Variants in ROR1 observed in about 807,000 individuals in gnomAD.
ROR1 encodes ROR family WNT receptor 1.
In ROR1, 19 loss-of-function variants were observed where a neutral mutation model predicts 78.8. That is an observed-to-expected ratio of 0.24 (90% confidence interval 0.17 to 0.35). ROR1 has a LOEUF of 0.35. Ranked by LOEUF, ROR1 falls within the 10% of genes least tolerant of loss-of-function variation. The probability of loss-of-function intolerance (pLI) is 1.00; values close to 1 mark genes in which losing one functional copy is unlikely to be tolerated. For missense variants in ROR1, 917 were observed against 1,177.8 expected (o/e 0.78, Z 3.24); for synonymous variants, 386 against 433.6 (o/e 0.89, Z 1.36).
At chr1:64,056,347 T>C (rs1479189454) in intron 4 of ROR1, among the ~76,000 whole-genome samples, 1 of 127,788 alleles carries the variant, frequency 7.8e-6, no homozygotes, top group African/African-American at 2.6e-5. Context: ...ATTTTCCTTA[T>C]TTAAAAATTA....
intron 4 of ROR1, among the ~76,000 whole-genome samples, chr1:64,125,636 T>C (rs182765802): frequency 1.6e-4 from 25 of 152,258 alleles, no homozygotes; most frequent in African/African-American, 6.0e-4. Context: ...GCCATGAGCC[T>C]GCCTTGGACC....
intron 5 of ROR1, among the ~76,000 whole-genome samples, chr1:64,139,163 T>C (rs1232694276): frequency 3.8e-5 from 2 of 52,480 alleles, no homozygotes; most frequent in African/African-American, 9.6e-5. Flanking sequence ...TGAGACTGTC[T>C]CAAAAAAAAA....
chr1:64,159,231 C>A, intron 8 of ROR1, 39 bp downstream of exon 8: 1 of 1,491,558 alleles, frequency 6.7e-7, no homozygotes. Flanking sequence ...GTTCCGTGGG[C>A]TTCAAGTTAA....
At chr1:63,864,746 C>T (rs1645203916) in intron 1 of ROR1, among the ~76,000 whole-genome samples, 1 of 151,530 alleles carries the variant, frequency 6.6e-6, no homozygotes, top group South Asian at 2.1e-4. Context: ...TGCTGTGGAG[C>T]AGTTGTACGA....
At chr1:64,051,923 G>A (rs1051253359) in intron 4 of ROR1, among the ~76,000 whole-genome samples, 2 of 152,220 alleles carry the variant, frequency 1.3e-5, no homozygotes, top group Admixed American at 6.5e-5. Flanking sequence ...ACAGTGTGGG[G>A]TATTTTAATA....
At chr1:63,940,849 T>A (rs1053517783) in intron 1 of ROR1, among the ~76,000 whole-genome samples, 6 of 152,154 alleles carry the variant, frequency 3.9e-5, no homozygotes, top group Non-Finnish European at 7.3e-5. Context: ...ATATCATGAA[T>A]GAGAAGCAGA....
chr1:63,785,624 T>G (rs545639914), intron 1 of ROR1, among the ~76,000 whole-genome samples: 65 of 152,096 alleles, frequency 4.3e-4, no homozygotes, highest in African/African-American at 1.4e-3. Flanking sequence ...CTGGGTTTTT[T>G]AAGTGATTCT....
At chr1:63,978,201 G>T (rs1416391392) in intron 1 of ROR1, among the ~76,000 whole-genome samples, 1 of 152,212 alleles carries the variant, frequency 6.6e-6, no homozygotes, top group Non-Finnish European at 1.5e-5. Context: ...GGAAGGAGAA[G>T]AGGAAAGTAA....
chr1:63,866,976 C>T (rs1470867311), intron 1 of ROR1, among the ~76,000 whole-genome samples: 3 of 152,112 alleles, frequency 2.0e-5, no homozygotes, highest in Non-Finnish European at 2.9e-5. Context: ...GATGAAATCA[C>T]TGGATAGGCA....
chr1:64,018,814 G>A (rs1026046739), intron 2 of ROR1, among the ~76,000 whole-genome samples: 1 of 152,150 alleles, frequency 6.6e-6, no homozygotes. Context: ...ATCAGAATAC[G>A]GGAGCCGAAA....
rs778832196 is a variant in ROR1 at position 64,177,467 on chromosome 1, A to G, written c.1426A>G (p.Met476Val). ...GCTACCTCTTTCTGCTGTACGCTTT[A>G]TGGAAGAATTGGGTGAGTGTGCCTT... ...KELPLSAVRF[M>V]EELGECAFGK... The change falls in exon 9 of 9, where the codon ATG becomes GTG. Residue 476 changes from methionine (M) to valine (V), a missense_variant. Physicochemically the swap from Met to Val is conservative, Grantham distance 21. Around this residue, in one of 3 missense-constraint regions of ROR1, gnomAD observed 835 missense variants for 1,069.8 expected, o/e 0.78. Transcript: ENST00000371079. The G allele has an allele frequency of 3.1e-6, 5 of 1,614,024 alleles. No homozygotes were observed. Among genetic ancestry groups the G allele is most frequent in the East Asian group, 4.5e-5 (2 of 44,880 alleles).
At chr1:64,038,206 T>G (rs997943908) in intron 2 of ROR1, among the ~76,000 whole-genome samples, 7 of 152,188 alleles carry the variant, frequency 4.6e-5, no homozygotes, top group Admixed American at 4.6e-4. Flanking sequence ...CCTAAATGCC[T>G]GCACATTCCA....
chr1:64,087,755 A>G (rs1401684848), intron 4 of ROR1, among the ~76,000 whole-genome samples: 2 of 152,228 alleles, frequency 1.3e-5, no homozygotes, highest in Non-Finnish European at 2.9e-5. Context: ...TGAAAACCAA[A>G]AAAATTTTAA....
chr1:64,009,395 CAG>C lies in ROR1; in HGVS notation c.163+20_163+21del, dbSNP rs1646457560. 2 of 1,589,286 alleles carry C rather than the reference CAG, an allele frequency of 1.3e-6. No homozygotes were observed. The highest frequency in any genetic ancestry group is 1.7e-6 in the Non-Finnish European group (2 of 1,157,746). On this transcript the variant is annotated intron_variant, in intron 2 of 8. Coordinates refer to ENST00000371079, the MANE Select transcript of ROR1 (RefSeq NM_005012.4). ...AACAAAGGTACACAGTGGGGGCACACAGGGGAGGCGAGGAAAGAGGTGTGGAA... is the reference window on the plus strand; with the variant it reads ...AACAAAGGTACACAGTGGGGGCACACGGGAGGCGAGGAAAGAGGTGTGGAA...
At chr1:63,789,386 C>T (rs1338280040) in intron 1 of ROR1, 5 of 365,814 alleles carry the variant, frequency 1.4e-5, no homozygotes, top group Admixed American at 3.7e-5. Flanking sequence ...GTGGGCAAAG[C>T]CAGTGAATGG....
intron 1 of ROR1, among the ~76,000 whole-genome samples, chr1:63,895,616 A>T (rs954200093): frequency 6.6e-6 from 1 of 152,110 alleles, no homozygotes; most frequent in Non-Finnish European, 1.5e-5. Flanking sequence ...CCTTTCTTGA[A>T]GTCATTGATT....
At chr1:63,797,771 G>C (rs1644770245) in intron 1 of ROR1, among the ~76,000 whole-genome samples, 1 of 151,756 alleles carries the variant, frequency 6.6e-6, no homozygotes, top group Admixed American at 6.6e-5. Context: ...GTTTGTTATG[G>C]TTATCATTTT....
intron 1 of ROR1, among the ~76,000 whole-genome samples, chr1:63,965,663 T>A (rs990998718): frequency 8.5e-5 from 13 of 152,244 alleles, no homozygotes; most frequent in Admixed American, 5.9e-4. Context: ...ATTATTTTAT[T>A]CTATTGTGCT....
intron 4 of ROR1, among the ~76,000 whole-genome samples, chr1:64,088,688 G>A (rs1051324295): frequency 6.6e-6 from 1 of 152,112 alleles, no homozygotes; most frequent in South Asian, 2.1e-4. Flanking sequence ...TGTCCTGAGT[G>A]ACATAAATAA....
Sources: gnomAD v4.1 joint callset for allele counts (sites outside exome capture counted in the v4.1 genomes callset) on GRCh38, gnomAD v4.1.1 for gene constraint, gnomAD v4.1.1 regional missense constraint, MANE v1.5 for transcripts, NCBI Gene and HGNC (gene_info 2026-07-23, HGNC 2026-07-21) for gene names.